The following LEPROTL1 variants were observed in gnomAD, a reference collection of about 807,000 sequenced individuals.
LEPROTL1 encodes leptin receptor overlapping transcript like 1.
In LEPROTL1, 6 loss-of-function variants were observed where a neutral mutation model predicts 15.4. The ratio of observed to expected loss-of-function variants is 0.39; its 90% CI spans 0.21 to 0.77. The LOEUF is 0.77. Ranked by LOEUF, LEPROTL1 falls within the 30% of genes least tolerant of loss-of-function variation. The pLI is 0.41. For synonymous variants in LEPROTL1, 56 were observed against 52.6 expected (o/e 1.06, Z -0.28); for missense variants, 128 against 158.1 (o/e 0.81, Z 1.02).
rs1286690184 is a variant in LEPROTL1 at position 30,105,805 on chromosome 8, A to T, written c.339A>T (p.Ile113=). 6.3e-7 allele frequency: 1 copy of T among 1,581,490 alleles called. No individual in the cohort carries two copies. The highest frequency in any genetic ancestry group is 1.8e-5 in the Admixed American group (1 of 54,882). Residue 113 remains isoleucine (I), a synonymous_variant, in exon 4 of 4, where the codon ATA becomes ATT. Transcript: ENST00000321250. ...LTGNTVIFAT[I]LGFFLVFGSN... Reference sequence around the variant, plus strand: ...GAAACACAGTCATCTTTGCAACTATACTAGGCTTTTTCTTGGTCTTTGGAA... The same window carrying T: ...GAAACACAGTCATCTTTGCAACTATTCTAGGCTTTTTCTTGGTCTTTGGAA...
At chr8:30,132,597 T>C (rs1467607280) in intron 4 of LEPROTL1, 23 of 1,551,682 alleles carry the variant, frequency 1.5e-5, no homozygotes, top group Non-Finnish European at 1.9e-5. Context: ...CTGCCACGTT[T>C]AGGCATTCTA....
intron 1 of LEPROTL1, among the ~76,000 whole-genome samples, chr8:30,096,654 G>T (rs1802372329): frequency 6.6e-6 from 1 of 152,196 alleles, no homozygotes; most frequent in African/African-American, 2.4e-5. Context: ...GTGAATTGCT[G>T]TGGTTTTTAG....
intron 3 of LEPROTL1, among the ~76,000 whole-genome samples, chr8:30,125,148 G>T (rs1188787041): frequency 6.6e-6 from 1 of 152,142 alleles, no homozygotes; most frequent in African/African-American, 2.4e-5. Flanking sequence ...TGTTTCTGAA[G>T]AAAAAGGTGC....
At chr8:30,118,042 T>A (rs1436152561) in intron 3 of LEPROTL1, among the ~76,000 whole-genome samples, 1 of 131,832 alleles carries the variant, frequency 7.6e-6, no homozygotes, top group African/African-American at 3.1e-5. Context: ...TTTTTTTTTT[T>A]GAGACAGAGT....
chr8:30,116,826 G>A (rs1292478188), intron 3 of LEPROTL1, among the ~76,000 whole-genome samples: 2 of 152,192 alleles, frequency 1.3e-5, no homozygotes, highest in African/African-American at 4.8e-5. Flanking sequence ...GACAGACATC[G>A]TGGGTTCTCT....
chr8:30,119,307 A>G (rs1802792033), intron 3 of LEPROTL1, among the ~76,000 whole-genome samples: 1 of 152,180 alleles, frequency 6.6e-6, no homozygotes, highest in Admixed American at 6.5e-5. Flanking sequence ...TGTTCAGGGT[A>G]CAGGTCAAAA....
chr8:30,123,028 C>G (rs894223946), intron 3 of LEPROTL1, among the ~76,000 whole-genome samples: 1 of 152,134 alleles, frequency 6.6e-6, no homozygotes, highest in Non-Finnish European at 1.5e-5. Context: ...TGGATCATCT[C>G]CCAAGATGGT....
intron 3 of LEPROTL1, among the ~76,000 whole-genome samples, chr8:30,128,903 T>C (rs1039396215): frequency 6.6e-6 from 1 of 152,054 alleles, no homozygotes; most frequent in Non-Finnish European, 1.5e-5. Context: ...TTTCTTTTTT[T>C]TTTTTTGAGA....
At chr8:30,100,882 C>T (rs1305422457) in intron 1 of LEPROTL1, among the ~76,000 whole-genome samples, 1 of 149,386 alleles carries the variant, frequency 6.7e-6, no homozygotes, top group Non-Finnish European at 1.5e-5. Flanking sequence ...TGTGTGCGCG[C>T]GTAGCTTTAG....
chr8:30,133,018 G>A, intron 4 of LEPROTL1: 2 of 998,506 alleles, frequency 2.0e-6, no homozygotes, highest in East Asian at 2.8e-5. Context: ...GTACAGCTAA[G>A]ATTAATCTCA....
intron 3 of LEPROTL1, chr8:30,132,207 G>A (rs1223383899): frequency 6.4e-6 from 10 of 1,551,730 alleles, no homozygotes; most frequent in East Asian, 4.9e-5. Context: ...CCCAGCAAAC[G>A]AAACCAAACA....
intron 1 of LEPROTL1, chr8:30,096,474 T>C: frequency 1.3e-6 from 1 of 797,398 alleles, no homozygotes; most frequent in Middle Eastern, 6.4e-4. Flanking sequence ...TAAGGAAAAC[T>C]TAATCGAGTT....
chr8:30,133,409 T>C (rs1803069585), intron 4 of LEPROTL1, among the ~76,000 whole-genome samples: 1 of 152,242 alleles, frequency 6.6e-6, no homozygotes, highest in Non-Finnish European at 1.5e-5. Context: ...TATGTGTGTA[T>C]ATTTGCATAT....
rs548243253 is a variant in LEPROTL1, at chr8:30,121,233, G to GTTTTGTTTTTGT, written c.280-11119_280-11108dup. Among the ~76,000 whole-genome samples the GTTTTGTTTTTGT allele has an allele frequency of 2.0e-5, 3 of 151,510 alleles. No homozygotes were observed. The Admixed American group carries it at 2.0e-4, about 10-fold the overall frequency. On this transcript the variant is annotated intron_variant, in intron 3 of 4. Coordinates refer to the LEPROTL1 transcript ENST00000442880. The stretch of plus-strand genomic sequence containing the variant: ...TGTTTTGTTGTTTATTGTTTTTGGG[G>GTTTTGTTTTTGT]TTTTGTTTTTGTTTTTGTTTTTGTT...
Position 30,107,693 on chromosome 8 carries a change from A to C in LEPROTL1, c.*1831A>C. On this transcript the variant is annotated 3_prime_UTR_variant, in exon 4 of 4. Transcript: ENST00000321250. Reference sequence around the variant, plus strand: ...GATTTCAAGAGGAAGGTGCAGGTACACATGAGTTAGAGAGCTGGTGAGACA... The same window carrying C: ...GATTTCAAGAGGAAGGTGCAGGTACCCATGAGTTAGAGAGCTGGTGAGACA... 2 of 985,500 alleles carry C rather than the reference A, an allele frequency of 2.0e-6. No individual in the cohort carries two copies. Among genetic ancestry groups the C allele is most frequent in the Non-Finnish European group, 2.4e-6 (2 of 829,920 alleles). The allele number at this position is 985,500 out of a possible 1,614,324, so 61.0% of individuals were successfully genotyped here. A position where few individuals can be genotyped will look rare whatever the true frequency, so the allele number is the denominator to read the frequency against.
At position 30,104,354 on chromosome 8, in the gene LEPROTL1, C is replaced by T. The variant is rs1288244076; in HGVS notation, c.147C>T (p.Tyr49=). 1 of 1,608,234 alleles carries T rather than the reference C, an allele frequency of 6.2e-7. No homozygotes were observed. The highest frequency in any genetic ancestry group is 1.1e-5 in the South Asian group (1 of 89,858). ...LFFYILSPIP[Y]CIARRLVDDT... ...TTTACATCCTTTCACCTATTCCATA[C>T]TGCATAGCAAGAAGATTAGTGGATG... Residue 49 remains tyrosine, a synonymous_variant, in exon 3 of 4, where the codon TAC becomes TAT. Coordinates refer to ENST00000321250, the MANE Select transcript of LEPROTL1 (RefSeq NM_015344.3).
intron 4 of LEPROTL1, among the ~76,000 whole-genome samples, chr8:30,136,133 T>A (rs1803134128): frequency 6.6e-6 from 1 of 152,182 alleles, no homozygotes; most frequent in African/African-American, 2.4e-5. Context: ...TATTATGGAC[T>A]GAATGTGCCC....
chr8:30,132,005 A>G (rs145290130), intron 3 of LEPROTL1: 1 of 1,552,114 alleles, frequency 6.4e-7, no homozygotes, highest in Non-Finnish European at 8.7e-7. Context: ...ACCATGGGAA[A>G]GACACTGTTG....
chr8:30,115,162 A>C (rs1217186247), intron 3 of LEPROTL1, among the ~76,000 whole-genome samples: 1 of 152,028 alleles, frequency 6.6e-6, no homozygotes, highest in Non-Finnish European at 1.5e-5. Context: ...GCAGTAGTTC[A>C]AGATCAGCCT....
Sources: allele counts gnomAD v4.1 joint callset (sites outside exome capture counted in the v4.1 genomes callset), GRCh38; gene constraint gnomAD v4.1.1; transcripts MANE v1.5; gene names NCBI Gene and HGNC (gene_info 2026-07-23, HGNC 2026-07-21).